The following PRKN variants were observed in gnomAD, a reference collection of about 807,000 sequenced individuals.
PRKN encodes the protein E3 ubiquitin-protein ligase parkin.
A neutral mutation model predicts 59.5 loss-of-function variants in PRKN; 56 were observed. The observed-to-expected ratio is 0.94, with a 90% CI of 0.76 to 1.18. PRKN has a LOEUF of 1.18. Among genes scored for constraint, PRKN ranks in the 50% most tolerant of loss-of-function variants. The pLI is 0.00. For missense variants in PRKN, 657 were observed against 596.4 expected (o/e 1.10, Z -1.06); for synonymous variants, 250 against 222.1 (o/e 1.13, Z -1.12).
At chr6:162,259,512 T>C (rs1163100439) in intron 3 of PRKN, among the ~76,000 whole-genome samples, 1 of 152,260 alleles carries the variant, frequency 6.6e-6, no homozygotes, top group Admixed American at 6.5e-5. Context: ...ATTCTGCACA[T>C]GAGAGTCTGT....
At chr6:162,260,088 G>A (rs1204673315) in intron 3 of PRKN, among the ~76,000 whole-genome samples, 1 of 152,124 alleles carries the variant, frequency 6.6e-6, no homozygotes, top group African/African-American at 2.4e-5. Context: ...GCAGCATGTA[G>A]GGTGCCAGGA....
intron 5 of PRKN, among the ~76,000 whole-genome samples, chr6:162,021,199 ATAT>A (rs1783169670): frequency 7.1e-6 from 1 of 141,578 alleles, no homozygotes; most frequent in East Asian, 2.0e-4. Flanking sequence ...TATATATAAT[ATAT>A]ATAATATATA....
At chr6:162,053,959 T>A in intron 5 of PRKN, 132 bp downstream of exon 5, 1 of 764,862 alleles carries the variant, frequency 1.3e-6, no homozygotes, top group Non-Finnish European at 2.4e-6. Flanking sequence ...TATTTAAATA[T>A]CATAACACTT....
intron 1 of PRKN, among the ~76,000 whole-genome samples, chr6:162,508,838 C>A (rs1274160941): frequency 6.6e-6 from 1 of 151,912 alleles, no homozygotes. Context: ...GGTGACACAG[C>A]AAGACCCTGT....
chr6:162,333,934 A>T (rs371284831), intron 2 of PRKN, among the ~76,000 whole-genome samples: 2 of 152,166 alleles, frequency 1.3e-5, no homozygotes. Context: ...ACGAAAGCAA[A>T]CAGCCATATT....
intron 6 of PRKN, among the ~76,000 whole-genome samples, chr6:161,816,270 T>A (rs143947522): frequency 6.7e-4 from 102 of 152,084 alleles, no homozygotes; most frequent in African/African-American, 2.3e-3. Flanking sequence ...ACACACTGGG[T>A]AACTCCACTT....
chr6:161,532,242 C>T (rs571406321), intron 9 of PRKN, among the ~76,000 whole-genome samples: 2 of 149,640 alleles, frequency 1.3e-5, no homozygotes, highest in Non-Finnish European at 3.0e-5. Flanking sequence ...GAAAAATTTG[C>T]CTAGAGACTG....
chr6:161,716,732 G>T (rs1786999080), intron 7 of PRKN, among the ~76,000 whole-genome samples: 1 of 152,210 alleles, frequency 6.6e-6, no homozygotes, highest in Non-Finnish European at 1.5e-5. Flanking sequence ...ACAAAACAGT[G>T]CCAAGTGGAC....
chr6:162,128,445 T>C (rs901083648), intron 4 of PRKN, among the ~76,000 whole-genome samples: 3 of 152,098 alleles, frequency 2.0e-5, no homozygotes, highest in Non-Finnish European at 2.9e-5. Flanking sequence ...ATCTAGATCA[T>C]AGTATGTGGC....
At chr6:162,046,415 C>T (rs1461113204) in intron 5 of PRKN, among the ~76,000 whole-genome samples, 3 of 152,194 alleles carry the variant, frequency 2.0e-5, no homozygotes, top group Non-Finnish European at 4.4e-5. Flanking sequence ...CTGACATTCA[C>T]CTTGACTAGG....
intron 1 of PRKN, among the ~76,000 whole-genome samples, chr6:162,557,799 T>C (rs1396103374): frequency 6.6e-6 from 1 of 152,150 alleles, no homozygotes; most frequent in Non-Finnish European, 1.5e-5. Flanking sequence ...CGTGAGCCAC[T>C]ATGCTCGGCG....
chr6:161,476,496 C>T (rs1302810431), intron 9 of PRKN, among the ~76,000 whole-genome samples: 1 of 152,114 alleles, frequency 6.6e-6, no homozygotes, highest in Non-Finnish European at 1.5e-5. Context: ...AGACACTTTT[C>T]CTTGAGAAAA....
At chr6:162,171,854 G>A (rs1019393244) in intron 4 of PRKN, among the ~76,000 whole-genome samples, 8 of 152,086 alleles carry the variant, frequency 5.3e-5, no homozygotes, top group Admixed American at 1.3e-4. Context: ...AGGAGGATAC[G>A]GACTTGCCTG....
chr6:162,570,423 TA>T (rs2128208526), intron 1 of PRKN, among the ~76,000 whole-genome samples: 1 of 152,310 alleles, frequency 6.6e-6, no homozygotes, highest in Non-Finnish European at 1.5e-5. Flanking sequence ...CCTCAAAAAC[TA>T]AAAATTAAGC....
chr6:161,571,294 T>C (rs1168035117), intron 7 of PRKN, among the ~76,000 whole-genome samples: 1 of 152,200 alleles, frequency 6.6e-6, no homozygotes, highest in African/African-American at 2.4e-5. Context: ...AACCTGTTTC[T>C]TTGAGATAAG....
chr6:161,545,995 A>C lies in PRKN; in HGVS notation c.1083+2859T>G, dbSNP rs1779781698. ...GGAAAAGCAATTATTTGAAAGGCTA[A>C]AAATAGTAAGGTCTAGGTGCCCAGT... On this transcript the variant is annotated intron_variant, in intron 9 of 11. Coordinates refer to ENST00000366898, the MANE Select transcript of PRKN (RefSeq NM_004562.3). The surrounding 1 kb of genome is among the most constrained non-coding windows in gnomAD (Gnocchi z 4.1). 6.6e-6 allele frequency among the ~76,000 whole-genome samples: 1 copy of C among 152,218 alleles called. No homozygotes were observed. Among genetic ancestry groups the C allele is most frequent in the Admixed American group, 6.5e-5 (1 of 15,280 alleles).
intron 6 of PRKN, among the ~76,000 whole-genome samples, chr6:161,821,503 C>T (rs1792022605): frequency 6.6e-6 from 1 of 152,016 alleles, no homozygotes; most frequent in South Asian, 2.1e-4. Context: ...GCTTAGTACA[C>T]TTCTTTCTAT....
intron 7 of PRKN, among the ~76,000 whole-genome samples, chr6:161,585,489 A>C (rs897660632): frequency 6.6e-6 from 1 of 152,236 alleles, no homozygotes; most frequent in African/African-American, 2.4e-5. Context: ...ATTAAAACCC[A>C]AGACTATTCT....
chr6:162,228,173 C>G (rs1461305180), intron 3 of PRKN, among the ~76,000 whole-genome samples: 1 of 152,136 alleles, frequency 6.6e-6, no homozygotes, highest in African/African-American at 2.4e-5. Flanking sequence ...GTCTTTATTT[C>G]TACTGAAGCA....
Sources: allele counts gnomAD v4.1 joint callset (sites outside exome capture counted in the v4.1 genomes callset), GRCh38; gene constraint gnomAD v4.1.1; non-coding constraint Gnocchi (gnomAD v3.1); transcripts MANE v1.5; gene names NCBI Gene and HGNC (gene_info 2026-07-23, HGNC 2026-07-21).